ANKRD11: variants seen among roughly 807,000 people sequenced by gnomAD.
ANKRD11 encodes ankyrin repeat domain-containing protein 11.
Under a neutral mutation model 195.7 loss-of-function variants are expected in ANKRD11, and 17 were observed. The ratio of observed to expected loss-of-function variants is 0.09; its 90% CI spans 0.06 to 0.13. ANKRD11 has a LOEUF of 0.13. Ranked by LOEUF, ANKRD11 falls within the 10% of genes least tolerant of loss-of-function variation. The pLI, the probability that ANKRD11 is intolerant of heterozygous loss-of-function variation, is 1.00. For missense variants in ANKRD11, 3,735 were observed against 3,566.1 expected, an observed-to-expected ratio of 1.05 and a Z score of -1.21; for synonymous variants, 1,953 against 1,528.1, an observed-to-expected ratio of 1.28 and a Z score of -6.49.
chr16:89,484,569 G>GCCA (rs2057544519), intron 1 of ANKRD11, among the ~76,000 whole-genome samples: 1 of 152,160 alleles, frequency 6.6e-6, no homozygotes, highest in African/African-American at 2.4e-5. Flanking sequence ...TCTGAAAAGA[G>GCCA]CCATAGGGAG....
chr16:89,447,779 T>C (rs1203408370), intron 1 of ANKRD11, among the ~76,000 whole-genome samples: 1 of 151,544 alleles, frequency 6.6e-6, no homozygotes. Context: ...TTATCTAATA[T>C]TTTCCTAAAA....
Position 89,450,540 on chromosome 16 carries a change from A to G in ANKRD11, c.-144-32172T>C, listed in dbSNP as rs182521767. On this transcript the variant is annotated intron_variant, in intron 1 of 12. Coordinates refer to ENST00000301030, the MANE Select transcript of ANKRD11 (RefSeq NM_013275.6). ...TTAACTTCTAGACCCGCTTTGTTTTAGTACTGATTGCAGAAGAGGGCTGAC... is the reference window on the plus strand; with the variant it reads ...TTAACTTCTAGACCCGCTTTGTTTTGGTACTGATTGCAGAAGAGGGCTGAC... 4.6e-5 allele frequency among the ~76,000 whole-genome samples: 7 copies of G among 152,312 alleles called. No homozygotes were observed. The East Asian group carries it at 1.3e-3, about 29-fold the overall frequency.
chr16:89,451,567 C>T (rs755751504), intron 1 of ANKRD11, among the ~76,000 whole-genome samples: 3 of 151,970 alleles, frequency 2.0e-5, no homozygotes, highest in Non-Finnish European at 4.4e-5. Context: ...AAGGCACATG[C>T]CATCAAGACT....
chr16:89,334,167 A>AC (rs1050335937), intron 2 of ANKRD11, among the ~76,000 whole-genome samples: 6 of 146,326 alleles, frequency 4.1e-5, no homozygotes. Context: ...AAAAAAAAAA[A>AC]AAAAAACAGA....
intron 9 of ANKRD11, chr16:89,278,639 C>T (rs942014224): frequency 6.5e-6 from 3 of 460,870 alleles, no homozygotes; most frequent in South Asian, 3.1e-5. Flanking sequence ...AGGGACTCAT[C>T]GTGCAGGTAT....
chr16:89,333,866 A>T (rs551020179), intron 2 of ANKRD11, among the ~76,000 whole-genome samples: 15 of 152,288 alleles, frequency 9.8e-5, no homozygotes, highest in African/African-American at 3.4e-4. Context: ...TTATTCTGTG[A>T]GTATGTTCCC....
chr16:89,274,789 G>C, intron 11 of ANKRD11, 25 bp downstream of exon 11: 3 of 1,606,652 alleles, frequency 1.9e-6, no homozygotes, highest in Non-Finnish European at 2.5e-6. Flanking sequence ...TGGACTCATG[G>C]GCCTGGCATG....
intron 2 of ANKRD11, among the ~76,000 whole-genome samples, chr16:89,350,321 G>C (rs2039150472): frequency 6.6e-6 from 1 of 152,144 alleles, no homozygotes; most frequent in African/African-American, 2.4e-5. Context: ...GAGAAACCCA[G>C]ACCCAGAAAA....
intron 2 of ANKRD11, among the ~76,000 whole-genome samples, chr16:89,416,766 CAAAAAAA>C (rs71134221): frequency 4.7e-5 from 5 of 105,978 alleles, no homozygotes; most frequent in Non-Finnish European, 8.0e-5. Flanking sequence ...TCTGTTTCTA[CAAAAAAA>C]AAAAAAAAAT....
At chr16:89,451,032 T>C (rs1411182967) in intron 1 of ANKRD11, among the ~76,000 whole-genome samples, 3 of 152,186 alleles carry the variant, frequency 2.0e-5, no homozygotes, top group Non-Finnish European at 2.9e-5. Flanking sequence ...TTTAGTTTTA[T>C]TGGAACACAG....
chr16:89,463,683 T>TAA (rs1235213947), intron 1 of ANKRD11, among the ~76,000 whole-genome samples: 1 of 136,414 alleles, frequency 7.3e-6, no homozygotes. Context: ...ATAAATAAAT[T>TAA]AAAAAAAAAA....
At chr16:89,344,764 G>A (rs957208841) in intron 2 of ANKRD11, among the ~76,000 whole-genome samples, 2 of 151,512 alleles carry the variant, frequency 1.3e-5, no homozygotes, top group Admixed American at 6.6e-5. Flanking sequence ...CGGGAGCACA[G>A]CGGAGGGCCA....
intron 1 of ANKRD11, among the ~76,000 whole-genome samples, chr16:89,472,239 A>C (rs2057109883): frequency 6.6e-6 from 1 of 152,166 alleles, no homozygotes; most frequent in South Asian, 2.1e-4. Flanking sequence ...GTGAGAGGCA[A>C]ATGGGGATGC....
chr16:89,383,684 G>A (rs1041363645), intron 2 of ANKRD11, among the ~76,000 whole-genome samples: 9 of 151,418 alleles, frequency 5.9e-5, no homozygotes, highest in African/African-American at 2.2e-4. Context: ...CAACGCAGCA[G>A]ACGTCCAGCC....
chr16:89,396,878 G>T (rs908538359), intron 2 of ANKRD11, among the ~76,000 whole-genome samples: 1 of 152,080 alleles, frequency 6.6e-6, no homozygotes, highest in African/African-American at 2.4e-5. Context: ...GTAAAGACGG[G>T]GTTTCACCAT....
chr16:89,290,694 G>A lies in ANKRD11; in HGVS notation c.532C>T (p.Arg178Cys), dbSNP rs1286864966. 5 of 1,613,962 alleles carry A rather than the reference G, an allele frequency of 3.1e-6. No homozygotes were observed. The highest frequency in any genetic ancestry group is 1.3e-5 in the African/African-American group (1 of 74,920). Residue 178 changes from arginine to cysteine, a missense_variant, in exon 6 of 13, where the codon CGC becomes TGC. Coordinates refer to ENST00000301030, the MANE Select transcript of ANKRD11 (RefSeq NM_013275.6). ...TCTTTGATGCGCCGGGCGTCCCCGC[G>A]GATGGCGGCTCGGTGCAGGCGGGTC... ...GETRLHRAAI[R>C]GDARRIKELI...
intron 2 of ANKRD11, among the ~76,000 whole-genome samples, chr16:89,331,648 G>T (rs1430570502): frequency 1.3e-5 from 2 of 151,846 alleles, no homozygotes; most frequent in East Asian, 3.9e-4. Flanking sequence ...TAGGTACAGG[G>T]TCTCCTCTGT....
chr16:89,478,191 G>C (rs765602542), intron 1 of ANKRD11, among the ~76,000 whole-genome samples: 19 of 152,196 alleles, frequency 1.2e-4, no homozygotes, highest in Non-Finnish European at 2.6e-4. Flanking sequence ...TGCCTCGCCA[G>C]CAGCACACAC....
intron 2 of ANKRD11, among the ~76,000 whole-genome samples, chr16:89,355,777 C>T (rs1423772589): frequency 1.3e-5 from 2 of 152,222 alleles, no homozygotes; most frequent in African/African-American, 2.4e-5. Context: ...GCCTGACAAT[C>T]GCATCTGCAC....
Sources: gnomAD v4.1 joint callset for allele counts (sites outside exome capture counted in the v4.1 genomes callset) on GRCh38, gnomAD v4.1.1 for gene constraint, MANE v1.5 for transcripts, NCBI Gene and HGNC (gene_info 2026-07-23, HGNC 2026-07-21) for gene names.